Variants in BCAS4 observed in about 807,000 individuals in gnomAD.
BCAS4 encodes the protein breast carcinoma-amplified sequence 4.
Under a neutral mutation model 15.7 loss-of-function variants are expected in BCAS4, and 9 were observed. The observed-to-expected ratio is 0.57, with a 90% confidence interval of 0.34 to 1.00. BCAS4 has a LOEUF of 1.00. Among genes scored for constraint, BCAS4 ranks in the 50% least tolerant of loss-of-function variants. The probability of loss-of-function intolerance (pLI) is 0.02; values close to 1 mark genes in which losing one functional copy is unlikely to be tolerated. For synonymous variants in BCAS4, 101 were observed against 99.5 expected (o/e 1.02, Z -0.09); for missense variants, 225 against 239.1 (o/e 0.94, Z 0.39).
intron 2 of BCAS4, among the ~76,000 whole-genome samples, chr20:50,822,851 T>A (rs1363214449): frequency 1.3e-5 from 2 of 150,760 alleles, no homozygotes; most frequent in Non-Finnish European, 3.0e-5. Flanking sequence ...GGTCTCGAAC[T>A]CCTGACCTCA....
intron 1 of BCAS4, among the ~76,000 whole-genome samples, chr20:50,797,297 T>C (rs1032476008): frequency 2.6e-5 from 4 of 152,230 alleles, no homozygotes; most frequent in African/African-American, 9.6e-5. Flanking sequence ...GGATGTTAGA[T>C]AGTTGTGTTG....
At chr20:50,824,478 G>T (rs1170594876) in intron 2 of BCAS4, among the ~76,000 whole-genome samples, 1 of 152,232 alleles carries the variant, frequency 6.6e-6, no homozygotes, top group Non-Finnish European at 1.5e-5. Flanking sequence ...CTCCAGGCTA[G>T]CACACCTGGT....
At chr20:50,882,440 A>G in the BCAS4 span, 2 of 152,258 alleles carry the variant, frequency 1.3e-5, no homozygotes, top group South Asian at 2.1e-4. Context: ...GTGTGGAAAC[A>G]TCGCCAAGAT....
At chr20:50,818,729 G>A (rs920220150) in intron 2 of BCAS4, among the ~76,000 whole-genome samples, 2 of 152,368 alleles carry the variant, frequency 1.3e-5, no homozygotes, top group South Asian at 2.1e-4. Context: ...GCCACAGCCC[G>A]TGGTGGAGTT....
In BCAS4 at chr20:50,834,255, C is replaced by A. The variant is rs140196374; in HGVS notation, c.264+3875C>A. On this transcript the variant is annotated intron_variant, in intron 3 of 4. Transcript: ENST00000371608. ...CATTCATTCATTGTAGAGACCGGGG[C>A]TCACTAAGTTGCTGCCCAGGCTGGT... Among the ~76,000 whole-genome samples, 911 of 151,088 alleles carry A rather than the reference C, an allele frequency of 6.0e-3. 7 individuals are homozygous for A. Among genetic ancestry groups the A allele is most frequent in the African/African-American group, 0.021 (845 of 41,122 alleles).
chr20:50,862,222 T>C (rs1979120246), intron 4 of BCAS4, among the ~76,000 whole-genome samples: 1 of 151,986 alleles, frequency 6.6e-6, no homozygotes, highest in Admixed American at 6.6e-5. Flanking sequence ...CTGTTTCCGC[T>C]CTCTGGATTC....
Position 50,866,474 on chromosome 20 carries a change from G to A in BCAS4, c.400-10012G>A, listed in dbSNP as rs1034120393. Among the ~76,000 whole-genome samples, 15 of 152,340 alleles carry A rather than the reference G, an allele frequency of 9.8e-5. No homozygotes were observed. In the East Asian group the frequency reaches 1.3e-3, roughly 14 times the overall value. On this transcript the variant is annotated intron_variant, in intron 4 of 4. Coordinates refer to ENST00000371608, the MANE Select transcript of BCAS4 (RefSeq NM_198799.4). ...GCACCCTGCAGGAATGTGGGCCTGCGGTGGCCAGATAGCTCAGTTTTTCTA... is the reference window on the plus strand; with the variant it reads ...GCACCCTGCAGGAATGTGGGCCTGCAGTGGCCAGATAGCTCAGTTTTTCTA...
downstream of BCAS4, chr20:50,881,664 A>AT (rs60341836): frequency 0.02 from 2,879 of 145,066 alleles, 52 homozygotes; most frequent in African/African-American, 0.051. Context: ...ACACTATTGA[A>AT]TTTTTTTTTT....
intron 2 of BCAS4, among the ~76,000 whole-genome samples, chr20:50,824,467 C>T (rs767847025): frequency 2.6e-5 from 4 of 152,172 alleles, no homozygotes; most frequent in Non-Finnish European, 4.4e-5. Context: ...GGGTCTGGGG[C>T]CTCCAGGCTA....
chr20:50,821,062 C>A (rs568505792), intron 2 of BCAS4, among the ~76,000 whole-genome samples: 85 of 152,344 alleles, frequency 5.6e-4, no homozygotes, highest in African/African-American at 1.9e-3. Context: ...CAAGCGACCA[C>A]CTGCTGTGGG....
chr20:50,808,863 T>C (rs964030609), intron 1 of BCAS4, among the ~76,000 whole-genome samples: 3 of 152,232 alleles, frequency 2.0e-5, no homozygotes, highest in Non-Finnish European at 4.4e-5. Flanking sequence ...TATCTTTGTT[T>C]TTATTGCATT....
chr20:50,861,586 G>A (rs1251053522), intron 4 of BCAS4, among the ~76,000 whole-genome samples: 1 of 152,154 alleles, frequency 6.6e-6, no homozygotes, highest in Non-Finnish European at 1.5e-5. Context: ...GGTGAGGGGG[G>A]TGCAGTTGTT....
chr20:50,859,231 C>T (rs1335944796), intron 4 of BCAS4, among the ~76,000 whole-genome samples: 1 of 152,196 alleles, frequency 6.6e-6, no homozygotes, highest in Non-Finnish European at 1.5e-5. Flanking sequence ...CTTGAGCGAC[C>T]ACGCCTAGCC....
chr20:50,833,868 C>T (rs953353367), intron 3 of BCAS4, among the ~76,000 whole-genome samples: 7 of 152,148 alleles, frequency 4.6e-5, no homozygotes, highest in Non-Finnish European at 5.9e-5. Flanking sequence ...GGTGGGTCAG[C>T]CGCAAGAGCA....
intron 4 of BCAS4, among the ~76,000 whole-genome samples, chr20:50,864,644 T>C (rs1304561646): frequency 6.6e-6 from 1 of 151,608 alleles, no homozygotes; most frequent in Non-Finnish European, 1.5e-5. Context: ...GGTTTCGCCA[T>C]GTTGGCCAGG....
At chr20:50,798,088 G>A (rs1351787931) in intron 1 of BCAS4, among the ~76,000 whole-genome samples, 1 of 151,642 alleles carries the variant, frequency 6.6e-6, no homozygotes, top group African/African-American at 2.4e-5. Context: ...TTGAGGCCAG[G>A]AGTTTGAGAC....
intron 2 of BCAS4, among the ~76,000 whole-genome samples, chr20:50,827,538 G>A (rs1256838214): frequency 6.6e-6 from 1 of 152,176 alleles, no homozygotes; most frequent in African/African-American, 2.4e-5. Context: ...CTAATACTAT[G>A]TTAATTTTTT....
chr20:50,818,325 A>G, intron 2 of BCAS4, 43 bp downstream of exon 2: 2 of 1,189,354 alleles, frequency 1.7e-6, no homozygotes, highest in Non-Finnish European at 1.1e-6. Context: ...CCCAGGCCAG[A>G]CTTCAGGCCC....
chr20:50,844,178 G>A (rs1378022940), intron 4 of BCAS4, among the ~76,000 whole-genome samples: 3 of 151,894 alleles, frequency 2.0e-5, no homozygotes, highest in Non-Finnish European at 4.4e-5. Context: ...GGCCAGATGT[G>A]GTAGCTCATG....
Sources: allele counts gnomAD v4.1 joint callset (sites outside exome capture counted in the v4.1 genomes callset), GRCh38; gene constraint gnomAD v4.1.1; transcripts MANE v1.5; gene names NCBI Gene and HGNC (gene_info 2026-07-23, HGNC 2026-07-21).